SPAG17: variants seen among roughly 807,000 people sequenced by gnomAD.
SPAG17 encodes sperm associated antigen 17, also known as sperm-associated antigen 17.
SPAG17 carries 169 observed loss-of-function variants against 273.6 expected under a neutral mutation model. That is an observed-to-expected ratio of 0.62 (90% CI 0.55 to 0.70). The LOEUF is 0.70. SPAG17 is among the 30% of genes least tolerant of loss of function. The pLI is 0.00. For synonymous variants in SPAG17, 825 were observed against 873.2 expected, an observed-to-expected ratio of 0.94 and a Z score of 0.97; for missense variants, 2,557 against 2,627.8, an observed-to-expected ratio of 0.97 and a Z score of 0.59.
chr1:118,106,480 C>G lies in SPAG17; in HGVS notation c.448-4554G>C, dbSNP rs149953074. ...GTCAGTGCCCCTGAGTGCAGTTGGC[C>G]TGGAAGCACTGGTAAGACTCATGCA... is the stretch of plus-strand genomic sequence containing the variant. On this transcript the variant is annotated intron_variant, in intron 4 of 48. Coordinates refer to ENST00000336338, the MANE Select transcript of SPAG17 (RefSeq NM_206996.4). 4.7e-3 allele frequency among the ~76,000 whole-genome samples: 712 copies of G among 152,192 alleles called. 7 individuals are homozygous for G. Among genetic ancestry groups the G allele is most frequent in the African/African-American group, 0.016 (685 of 41,518 alleles).
intron 1 of SPAG17, among the ~76,000 whole-genome samples, chr1:118,172,746 T>TG (rs1344671336): frequency 6.6e-6 from 1 of 152,216 alleles, no homozygotes; most frequent in East Asian, 1.9e-4. Context: ...TTCTCTTTAC[T>TG]GGTACCATGC....
At chr1:118,155,191 G>A (rs780346053) in intron 1 of SPAG17, among the ~76,000 whole-genome samples, 5 of 152,070 alleles carry the variant, frequency 3.3e-5, no homozygotes, top group Non-Finnish European at 7.4e-5. Flanking sequence ...CACCTAATTT[G>A]AGGCCTAGCA....
intron 48 of SPAG17, among the ~76,000 whole-genome samples, chr1:117,958,040 C>G (rs954528131): frequency 1.3e-5 from 2 of 152,178 alleles, no homozygotes; most frequent in African/African-American, 4.8e-5. Context: ...CTTCTCATCT[C>G]TCACCCTCAT....
rs560139811 is a variant in SPAG17 at position 117,978,912 on chromosome 1, A to G, written c.6004+2358T>C. Among the ~76,000 whole-genome samples, 1,066 of 150,328 alleles carry G rather than the reference A, an allele frequency of 7.1e-3. 9 individuals carry two copies. The highest frequency in any genetic ancestry group is 0.011 in the Non-Finnish European group (751 of 67,758). On this transcript the variant is annotated intron_variant, in intron 43 of 48. Coordinates refer to ENST00000336338, the MANE Select transcript of SPAG17 (RefSeq NM_206996.4). ...GACGGAGTTTCGCTCTTGTTGCCCA[A>G]GCTGGAGTGCAATGGCGTGATCTCA...
chr1:117,987,706 G>T, intron 40 of SPAG17, 128 bp downstream of exon 40: 1 of 889,746 alleles, frequency 1.1e-6, no homozygotes, highest in Non-Finnish European at 1.8e-6. Flanking sequence ...ATGACCACTT[G>T]GTAGACATGT....
rs553114731 is a variant in SPAG17 at position 117,956,578 on chromosome 1, T to G, written c.*1-2529A>C. ...AATAGGTTTGTAATCCCATTTGATATCCTCTTAAGATTTTAAATTGGAATT... is the reference window on the plus strand; with the variant it reads ...AATAGGTTTGTAATCCCATTTGATAGCCTCTTAAGATTTTAAATTGGAATT... On this transcript the variant is annotated intron_variant, in intron 48 of 48. Transcript: ENST00000336338. Among the ~76,000 whole-genome samples, 300 of 152,294 alleles carry G rather than the reference T, an allele frequency of 2.0e-3. 1 individual carries two copies. Among genetic ancestry groups the G allele is most frequent in the African/African-American group, 7.0e-3 (292 of 41,568 alleles).
intron 1 of SPAG17, among the ~76,000 whole-genome samples, chr1:118,153,739 C>T (rs1213785321): frequency 6.6e-6 from 1 of 152,042 alleles, no homozygotes; most frequent in Non-Finnish European, 1.5e-5. Context: ...GTCCCAGCTA[C>T]TTGTGAGGCT....
chr1:118,028,430 A>AATT (rs1359037792), intron 25 of SPAG17, 36 bp from the exon 26 acceptor site: 1 of 1,607,820 alleles, frequency 6.2e-7, no homozygotes, highest in African/African-American at 1.3e-5. Context: ...ATGGGCTGTC[A>AATT]TTTTCTTAAT....
At chr1:118,103,738 G>T (rs1017288158) in intron 4 of SPAG17, among the ~76,000 whole-genome samples, 1 of 152,110 alleles carries the variant, frequency 6.6e-6, no homozygotes, top group Admixed American at 6.6e-5. Context: ...ACACAATTGA[G>T]AACACTTTCA....
At chr1:118,049,687 G>A (rs1325591433) in intron 20 of SPAG17, among the ~76,000 whole-genome samples, 1 of 152,118 alleles carries the variant, frequency 6.6e-6, no homozygotes, top group Non-Finnish European at 1.5e-5. Flanking sequence ...AAAATTTGTA[G>A]GGAATCACCA....
intron 40 of SPAG17, among the ~76,000 whole-genome samples, chr1:117,986,581 G>T (rs148829551): frequency 1.3e-5 from 2 of 152,224 alleles, no homozygotes; most frequent in Non-Finnish European, 2.9e-5. Context: ...AGTTTGTATA[G>T]ATAATACAGG....
At position 118,129,910 on chromosome 1, in the gene SPAG17, T is replaced by A. The variant is rs7546966; in HGVS notation, c.316-14469A>T. Reference sequence around the variant, plus strand: ...AGTCCTGGAGTGGGATTTCTGCTAATGTCCTGCTAGACAAAGAATGTATTC... The same window carrying A: ...AGTCCTGGAGTGGGATTTCTGCTAAAGTCCTGCTAGACAAAGAATGTATTC... On this transcript the variant is annotated intron_variant, in intron 3 of 48. Coordinates refer to ENST00000336338, the MANE Select transcript of SPAG17 (RefSeq NM_206996.4). Among the ~76,000 whole-genome samples the A allele has an allele frequency of 6.2e-3, 939 of 152,242 alleles. 8 individuals carry two copies. The highest frequency in any genetic ancestry group is 0.022 in the African/African-American group (898 of 41,534).
intron 46 of SPAG17, among the ~76,000 whole-genome samples, chr1:117,969,164 A>ATTTT (rs138365001): frequency 4.0e-5 from 6 of 151,626 alleles, no homozygotes; most frequent in African/African-American, 1.5e-4. Context: ...ATTAATATGC[A>ATTTT]TTTTTTTTTA....
intron 28 of SPAG17, 67 bp downstream of exon 28, chr1:118,023,237 T>C (rs906077644): frequency 5.4e-5 from 64 of 1,177,446 alleles, no homozygotes; most frequent in Non-Finnish European, 7.1e-5. Context: ...ATAATAATAT[T>C]GAACACTTAT....
At chr1:118,004,632 G>T (rs1336307963) in intron 32 of SPAG17, among the ~76,000 whole-genome samples, 1 of 152,254 alleles carries the variant, frequency 6.6e-6, no homozygotes, top group African/African-American at 2.4e-5. Context: ...GCATGGGAGA[G>T]AATCTCCTTA....
chr1:118,144,090 G>C (rs529487911), intron 3 of SPAG17, among the ~76,000 whole-genome samples: 61 of 152,338 alleles, frequency 4.0e-4, no homozygotes, highest in South Asian at 1.2e-3. Flanking sequence ...GTGGAAGAGA[G>C]CTGGGGCATG....
At position 118,105,562 on chromosome 1, in the gene SPAG17, C is replaced by G. The variant is rs188075879; in HGVS notation, c.448-3636G>C. Among the ~76,000 whole-genome samples the G allele has an allele frequency of 2.0e-4, 30 of 152,052 alleles. No homozygotes were observed. In the East Asian group the frequency reaches 5.8e-3, roughly 30 times the overall value. ...ACTGATTGGATCATGGAACCTAAGC[C>G]AAACAAATAGCAGGAGAGGACAATG... On this transcript the variant is annotated intron_variant, in intron 4 of 48. Coordinates refer to ENST00000336338, the MANE Select transcript of SPAG17 (RefSeq NM_206996.4).
At chr1:118,039,197 A>G in intron 23 of SPAG17, 95 bp downstream of exon 23, 1 of 1,364,962 alleles carries the variant, frequency 7.3e-7, no homozygotes, top group Non-Finnish European at 1.0e-6. Flanking sequence ...AAACTTGAGA[A>G]AAAGAACATG....
intron 18 of SPAG17, among the ~76,000 whole-genome samples, chr1:118,060,834 T>C (rs1230661798): frequency 6.6e-6 from 1 of 152,144 alleles, no homozygotes; most frequent in East Asian, 1.9e-4. Context: ...TGGTCACATT[T>C]ATATTTCCTG....
Sources: gnomAD v4.1 joint callset for allele counts (sites outside exome capture counted in the v4.1 genomes callset) on GRCh38, gnomAD v4.1.1 for gene constraint, MANE v1.5 for transcripts, NCBI Gene and HGNC (gene_info 2026-07-23, HGNC 2026-07-21) for gene names.